Variants in EYS observed in about 807,000 individuals in gnomAD.
EYS encodes protein eyes shut homolog.
EYS carries 250 observed loss-of-function variants against 282.1 expected under a neutral mutation model. The observed-to-expected ratio is 0.89, with a 90% CI of 0.80 to 0.98. The LOEUF is 0.98. EYS is among the 50% of genes least tolerant of loss of function. The pLI is 0.00. For synonymous variants in EYS, 1,355 were observed against 1,282.9 expected (o/e 1.06, Z -1.20); for missense variants, 4,016 against 3,709.0 (o/e 1.08, Z -2.15).
intron 13 of EYS, among the ~76,000 whole-genome samples, chr6:65,005,545 G>T (rs894521742): frequency 6.8e-6 from 1 of 147,410 alleles, no homozygotes; most frequent in Non-Finnish European, 1.5e-5. Context: ...GACCACTTTC[G>T]CTTGCTATTC....
chr6:64,870,427 C>CCAAA (rs760102240), intron 19 of EYS, among the ~76,000 whole-genome samples: 1 of 112,052 alleles, frequency 8.9e-6, no homozygotes, highest in African/African-American at 3.3e-5. Context: ...CTCCCCCCTC[C>CCAAA]AAAAAAAAAA....
intron 26 of EYS, among the ~76,000 whole-genome samples, chr6:64,559,385 C>A (rs1214954401): frequency 6.6e-6 from 1 of 151,272 alleles, no homozygotes; most frequent in Non-Finnish European, 1.5e-5. Flanking sequence ...TTTTGAAGTC[C>A]TCGTCTCAAG....
At chr6:64,404,372 AGTGTGAGAGT>A (rs1773634617) in intron 28 of EYS, among the ~76,000 whole-genome samples, 1 of 139,584 alleles carries the variant, frequency 7.2e-6, no homozygotes, top group African/African-American at 3.2e-5. Flanking sequence ...TGTAATATAG[AGTGTGAGAGT>A]GTGTGTGTGT....
chr6:64,338,927 C>T lies in EYS; in HGVS notation c.6079-31845G>A, dbSNP rs190002897. On this transcript the variant is annotated intron_variant, in intron 29 of 42. Transcript: ENST00000503581. ...AAATGGTGCTGAGATAATTGGCTAG[C>T]CACATATAGGAGAATGAAACTGGAT... 3.7e-3 allele frequency among the ~76,000 whole-genome samples: 561 copies of T among 151,936 alleles called. 2 individuals are homozygous for T. Among genetic ancestry groups the T allele is most frequent in the Middle Eastern group, 0.024 (7 of 294 alleles).
chr6:63,974,241 T>C (rs1766724782), intron 35 of EYS, among the ~76,000 whole-genome samples: 1 of 152,046 alleles, frequency 6.6e-6, no homozygotes, highest in African/African-American at 2.4e-5. Context: ...TTTTGGTGCA[T>C]GAATTCAATC....
chr6:63,906,333 G>A (rs984196023), intron 35 of EYS, among the ~76,000 whole-genome samples: 3 of 152,064 alleles, frequency 2.0e-5, no homozygotes, highest in Non-Finnish European at 2.9e-5. Flanking sequence ...CACAAATTAC[G>A]GCACCTATTA....
intron 35 of EYS, among the ~76,000 whole-genome samples, chr6:63,948,053 G>A (rs1765451096): frequency 6.6e-6 from 1 of 152,094 alleles, no homozygotes; most frequent in African/African-American, 2.4e-5. Flanking sequence ...AAAATATAGT[G>A]AACTAAATGA....
intron 12 of EYS, among the ~76,000 whole-genome samples, chr6:65,186,072 T>G (rs1391789001): frequency 6.6e-6 from 1 of 151,714 alleles, no homozygotes; most frequent in African/African-American, 2.4e-5. Flanking sequence ...CTAACTTGCT[T>G]TCTGATATTG....
At chr6:64,918,050 C>T (rs2150079815) in intron 15 of EYS, among the ~76,000 whole-genome samples, 1 of 151,966 alleles carries the variant, frequency 6.6e-6, no homozygotes, top group South Asian at 2.1e-4. Flanking sequence ...TGTCTATTAA[C>T]CTATTTACAC....
chr6:64,821,767 T>C (rs1764907415), intron 20 of EYS, 44 bp from the exon 21 acceptor site: 1 of 1,157,634 alleles, frequency 8.6e-7, no homozygotes, highest in African/African-American at 1.6e-5. Flanking sequence ...AAGTAGATGT[T>C]AAAGCATAAC....
At chr6:64,097,521 CA>C (rs1562199672) in intron 31 of EYS, among the ~76,000 whole-genome samples, 1 of 152,142 alleles carries the variant, frequency 6.6e-6, no homozygotes, top group Non-Finnish European at 1.5e-5. Flanking sequence ...TAGCAATGAA[CA>C]AGGCTGCGTG....
chr6:64,172,787 T>C (rs574904547), intron 31 of EYS, among the ~76,000 whole-genome samples: 19 of 152,260 alleles, frequency 1.2e-4, no homozygotes, highest in Non-Finnish European at 2.6e-4. Flanking sequence ...ATGGTGACAT[T>C]AGATTCTCAT....
At chr6:64,811,803 C>T (rs1764604089) in intron 22 of EYS, among the ~76,000 whole-genome samples, 2 of 152,068 alleles carry the variant, frequency 1.3e-5, no homozygotes, top group African/African-American at 4.8e-5. Flanking sequence ...GCTTTTCAGC[C>T]ACTTGAAGCA....
intron 19 of EYS, among the ~76,000 whole-genome samples, chr6:64,881,798 A>G (rs1412743930): frequency 6.6e-6 from 1 of 151,886 alleles, no homozygotes; most frequent in Admixed American, 6.6e-5. Context: ...TCTTCAATGT[A>G]AACTCTGTAA....
chr6:64,449,250 G>C (rs897073433), intron 26 of EYS, among the ~76,000 whole-genome samples: 22 of 152,126 alleles, frequency 1.4e-4, no homozygotes, highest in African/African-American at 5.3e-4. Flanking sequence ...GGAAGAAAGG[G>C]TATCAGCGAT....
At chr6:63,781,373 G>A (rs925150596) in intron 39 of EYS, among the ~76,000 whole-genome samples, 1 of 151,990 alleles carries the variant, frequency 6.6e-6, no homozygotes, top group Admixed American at 6.6e-5. Flanking sequence ...GATTCTTCCT[G>A]TCCATGAGCA....
chr6:65,170,245 C>G (rs9453214), intron 12 of EYS, among the ~76,000 whole-genome samples: 52,962 of 150,958 alleles, frequency 0.35, 9,904 homozygotes, highest in African/African-American at 0.48. Flanking sequence ...CACACACACA[C>G]AGAGAGAGGA....
Position 63,720,838 on chromosome 6 carries a change from T to C in EYS, c.9193A>G (p.Ile3065Val), listed in dbSNP as rs1768351629. The part of the protein sequence containing the change: ...LIKAYINNSL[I>V]LSEDIDPHKN... ...TGTGGATCAATATCCTCGGAAAGAATTAGACTGTTATTTATGTAGGCCTTG... is the reference window on the plus strand; with the variant it reads ...TGTGGATCAATATCCTCGGAAAGAACTAGACTGTTATTTATGTAGGCCTTG... Residue 3065 changes from isoleucine (I) to valine (V), a missense_variant, in exon 43 of 43, where the codon ATT becomes GTT. Ile to Val is a conservative substitution (Grantham distance 29, BLOSUM62 3). Transcript: ENST00000503581. The C allele has an allele frequency of 1.3e-6, 2 of 1,551,128 alleles. No homozygotes were observed. Among genetic ancestry groups the C allele is most frequent in the South Asian group, 2.4e-5 (2 of 84,056 alleles).
chr6:64,843,356 A>T (rs927996543), intron 19 of EYS, among the ~76,000 whole-genome samples: 2 of 152,144 alleles, frequency 1.3e-5, no homozygotes, highest in Non-Finnish European at 2.9e-5. Context: ...GTAGACCTGG[A>T]AAAGCCTCAG....
Sources: gnomAD v4.1 joint callset for allele counts (sites outside exome capture counted in the v4.1 genomes callset) on GRCh38, gnomAD v4.1.1 for gene constraint, MANE v1.5 for transcripts, NCBI Gene and HGNC (gene_info 2026-07-23, HGNC 2026-07-21) for gene names.